Variants in FAF1 observed in about 807,000 individuals in gnomAD.
The protein encoded by FAF1 is FAS-associated factor 1.
In FAF1, 25 loss-of-function variants were observed where a neutral mutation model predicts 92.5. The observed-to-expected ratio is 0.27, with a 90% CI of 0.20 to 0.38. The LOEUF is 0.38. FAF1 is among the 10% of genes least tolerant of loss of function. FAF1 has a pLI of 1.00. For synonymous variants in FAF1, 234 were observed against 273.2 expected, an observed-to-expected ratio of 0.86 and a Z score of 1.42; for missense variants, 636 against 793.3, an observed-to-expected ratio of 0.80 and a Z score of 2.38.
chr1:50,690,533 G>A (rs771018301), intron 7 of FAF1, among the ~76,000 whole-genome samples: 1 of 151,966 alleles, frequency 6.6e-6, no homozygotes, highest in African/African-American at 2.4e-5. Context: ...CCTGGGAGGC[G>A]GAGGTTGCAG....
chr1:50,673,068 A>C (rs1014055804), intron 7 of FAF1, among the ~76,000 whole-genome samples: 1 of 151,952 alleles, frequency 6.6e-6, no homozygotes, highest in Non-Finnish European at 1.5e-5. Context: ...GACCAGCCTG[A>C]CCAACATGGT....
At chr1:50,832,529 T>C (rs375685544) in intron 2 of FAF1, among the ~76,000 whole-genome samples, 2 of 152,210 alleles carry the variant, frequency 1.3e-5, no homozygotes, top group Non-Finnish European at 2.9e-5. Flanking sequence ...ATATGAGAGT[T>C]TGACAAACAC....
chr1:50,696,338 G>A (rs1189272578), intron 7 of FAF1, among the ~76,000 whole-genome samples: 1 of 152,098 alleles, frequency 6.6e-6, no homozygotes, highest in Non-Finnish European at 1.5e-5. Flanking sequence ...GGGAGAAAAT[G>A]TTCTCTTGGG....
intron 1 of FAF1, among the ~76,000 whole-genome samples, chr1:50,862,059 G>C (rs961795272): frequency 6.6e-6 from 1 of 150,724 alleles, no homozygotes; most frequent in East Asian, 2.0e-4. Context: ...TACAAAAATA[G>C]TTTAGAAGTC....
At position 50,584,719 on chromosome 1, in the gene FAF1, G is replaced by A. The variant is rs762757210; in HGVS notation, c.933C>T (p.Gly311=). 3 of 1,613,538 alleles carry A rather than the reference G, an allele frequency of 1.9e-6. No individual in the cohort carries two copies. Among genetic ancestry groups the A allele is most frequent in the South Asian group, 1.1e-5 (1 of 91,052 alleles). Residue 311 remains glycine (G), a synonymous_variant, in exon 10 of 19, where the codon GGC becomes GGT. Coordinates refer to ENST00000396153, the MANE Select transcript of FAF1 (RefSeq NM_007051.3). ...ATTTTCTCAAGGCAGATGACGCCAT[G>A]CCAAATACTTCTCCATCATCCACCC... ...EFGVDDGEVF[G]MASSALRKSP...
intron 6 of FAF1, among the ~76,000 whole-genome samples, chr1:50,730,668 G>A (rs1169047234): frequency 6.6e-6 from 1 of 152,168 alleles, no homozygotes; most frequent in Non-Finnish European, 1.5e-5. Context: ...TCTTGACAGA[G>A]TTTCCAGTTC....
At chr1:50,948,410 G>A (rs1453611583) in intron 1 of FAF1, among the ~76,000 whole-genome samples, 1 of 152,184 alleles carries the variant, frequency 6.6e-6, no homozygotes, top group Non-Finnish European at 1.5e-5. Context: ...TACAATCATG[G>A]TGTAAGGCAA....
At chr1:50,827,385 A>C (rs1570014372) in intron 2 of FAF1, among the ~76,000 whole-genome samples, 1 of 152,216 alleles carries the variant, frequency 6.6e-6, no homozygotes, top group African/African-American at 2.4e-5. Context: ...TAAATGGATT[A>C]AGGGTGGTGC....
intron 15 of FAF1, among the ~76,000 whole-genome samples, chr1:50,532,399 T>G (rs937088375): frequency 6.6e-6 from 1 of 152,190 alleles, no homozygotes; most frequent in Non-Finnish European, 1.5e-5. Flanking sequence ...TTATACAGCA[T>G]AATCTGTAAA....
At chr1:50,470,347 T>A (rs1646555716) in intron 18 of FAF1, among the ~76,000 whole-genome samples, 1 of 152,246 alleles carries the variant, frequency 6.6e-6, no homozygotes, top group African/African-American at 2.4e-5. Flanking sequence ...GATGTCAGTA[T>A]CAGCTCTGCT....
intron 2 of FAF1, among the ~76,000 whole-genome samples, chr1:50,851,759 G>A (rs536480638): frequency 6.6e-6 from 1 of 152,252 alleles, no homozygotes; most frequent in South Asian, 2.1e-4. Flanking sequence ...AACAGGTAGA[G>A]CAAGATCCAA....
rs570729224 is a variant in FAF1, at chr1:50,649,699, T to C, written c.744+5743A>G. Among the ~76,000 whole-genome samples, 407 of 146,800 alleles carry C rather than the reference T, an allele frequency of 2.8e-3. 2 individuals carry two copies. The highest frequency in any genetic ancestry group is 5.0e-3 in the Non-Finnish European group (332 of 66,440). ...GCCTCATGCCTGTAATCCCAGCACT[T>C]TGACAGGCCGAGGCAGGTGGATCAC... On this transcript the variant is annotated intron_variant, in intron 8 of 18. Transcript: ENST00000396153.
chr1:50,748,078 CTAA>C (rs908291785), intron 4 of FAF1, among the ~76,000 whole-genome samples: 6 of 152,112 alleles, frequency 3.9e-5, no homozygotes, highest in Admixed American at 2.6e-4. Context: ...CCAGAACAGA[CTAA>C]TACAAATGTG....
intron 2 of FAF1, among the ~76,000 whole-genome samples, chr1:50,845,932 G>A (rs1359980591): frequency 6.6e-6 from 1 of 151,954 alleles, no homozygotes; most frequent in African/African-American, 2.4e-5. Context: ...AGAACAACCT[G>A]GCCAACATGA....
intron 15 of FAF1, among the ~76,000 whole-genome samples, chr1:50,520,010 C>T (rs1647419750): frequency 6.6e-6 from 1 of 152,048 alleles, no homozygotes; most frequent in Non-Finnish European, 1.5e-5. Flanking sequence ...GTGTTGAGCA[C>T]AATGCGGATA....
At chr1:50,814,304 T>A (rs1306677344) in intron 2 of FAF1, among the ~76,000 whole-genome samples, 1 of 152,180 alleles carries the variant, frequency 6.6e-6, no homozygotes, top group African/African-American at 2.4e-5. Context: ...TAAGTATGCA[T>A]ATTAGTGTAT....
At chr1:50,867,763 C>A (rs1177007131) in intron 1 of FAF1, among the ~76,000 whole-genome samples, 4 of 152,138 alleles carry the variant, frequency 2.6e-5, no homozygotes, top group Non-Finnish European at 5.9e-5. Flanking sequence ...CTATGAAAAA[C>A]AGCATGGAGA....
intron 18 of FAF1, among the ~76,000 whole-genome samples, chr1:50,455,228 A>T (rs1646337331): frequency 6.6e-6 from 1 of 152,220 alleles, no homozygotes; most frequent in African/African-American, 2.4e-5. Context: ...TTTTCCCTAA[A>T]CTGCTGTTGG....
chr1:50,768,314 C>T (rs181830193), intron 4 of FAF1, among the ~76,000 whole-genome samples: 2 of 152,230 alleles, frequency 1.3e-5, no homozygotes, highest in Admixed American at 1.3e-4. Flanking sequence ...TAGAGATCTA[C>T]AAAGAGACTT....
Sources: allele counts gnomAD v4.1 joint callset (sites outside exome capture counted in the v4.1 genomes callset), GRCh38; gene constraint gnomAD v4.1.1; transcripts MANE v1.5; gene names NCBI Gene and HGNC (gene_info 2026-07-23, HGNC 2026-07-21).